The following ASPSCR1 variants were observed in gnomAD, a reference collection of about 807,000 sequenced individuals.
ASPSCR1 encodes ASPSCR1 tether for SLC2A4, UBX domain containing, also known as tether containing UBX domain for GLUT4.
ASPSCR1 carries 55 observed loss-of-function variants against 68.9 expected under a neutral mutation model. The observed-to-expected ratio is 0.80, with a 90% CI of 0.64 to 1.00. The LOEUF is 1.00. Among genes scored for constraint, ASPSCR1 ranks in the 50% least tolerant of loss-of-function variants. ASPSCR1 has a pLI of 0.00. For missense variants in ASPSCR1, 765 were observed against 762.2 expected, an observed-to-expected ratio of 1.00 and a Z score of -0.04; for synonymous variants, 352 against 332.6, an observed-to-expected ratio of 1.06 and a Z score of -0.63.
rs1225607921 is a variant in ASPSCR1 at position 81,999,591 on chromosome 17, C to T, written c.933+2745C>T. Among the ~76,000 whole-genome samples, 1 of 150,066 alleles carries T rather than the reference C, an allele frequency of 6.7e-6. No individual in the cohort carries two copies. The highest frequency in any genetic ancestry group is 1.9e-4 in the East Asian group (1 of 5,130). ...GCAGTGAGCCGAGATCGTGCCACTGCACTCCAGCCCGGGTGACAGAGTGAA... is the reference window on the plus strand; with the variant it reads ...GCAGTGAGCCGAGATCGTGCCACTGTACTCCAGCCCGGGTGACAGAGTGAA... On this transcript the variant is annotated intron_variant, in intron 7 of 15. Transcript: ENST00000306739. The surrounding 1 kb of genome is among the most constrained non-coding windows in gnomAD (Gnocchi z 4.4).
rs530993837 is a variant in ASPSCR1, at chr17:81,986,824, C to T, written c.374+1217C>T. ...GCCTGCTCCCGTCTGACAGTAGTGC[C>T]GCGCTGCATGGCACGGGTGTTGCGT... On this transcript the variant is annotated intron_variant, in intron 4 of 15. Transcript: ENST00000306739. The surrounding 1 kb of genome is among the most constrained non-coding windows in gnomAD (Gnocchi z 5.2). Among the ~76,000 whole-genome samples the T allele has an allele frequency of 1.3e-5, 2 of 151,838 alleles. No individual in the cohort carries two copies. Among genetic ancestry groups the T allele is most frequent in the South Asian group, 2.1e-4 (1 of 4,796 alleles).
In ASPSCR1 at chr17:82,015,463, C is replaced by T. The variant is rs2043090859; in HGVS notation, c.1354-1013C>T. 104 of 1,376,184 alleles carry T rather than the reference C, an allele frequency of 7.6e-5. No homozygotes were observed. The South Asian group carries it at 1.3e-3, about 17-fold the overall frequency. 85.2% of individuals were successfully genotyped at this position (1,376,184 alleles called of 1,614,324 possible). On this transcript the variant is annotated intron_variant, in intron 12 of 15. Transcript: ENST00000306739. ...TTCCCTCTCCTGGTGTTCCCGAGTCCTGCCCGCCCCTTTCTGTGCGTCCCG... is the reference window on the plus strand; with the variant it reads ...TTCCCTCTCCTGGTGTTCCCGAGTCTTGCCCGCCCCTTTCTGTGCGTCCCG...
In ASPSCR1 at chr17:81,996,414, A is replaced by G; in HGVS notation, c.507-6A>G. The stretch of plus-strand genomic sequence containing the variant: ...GGTGCTTCCCTTGTCCTCTGGCCCC[A>G]CTCAGGTTTGTCATGAAGTGCTACG... On this transcript the variant is annotated splice_polypyrimidine_tract_variant and splice_region_variant and intron_variant, in intron 6 of 15. Transcript: ENST00000306739. 1 of 1,575,630 alleles carries G rather than the reference A, an allele frequency of 6.3e-7. No homozygotes were observed. Among genetic ancestry groups the G allele is most frequent in the Non-Finnish European group, 8.6e-7 (1 of 1,156,700 alleles).
intron 7 of ASPSCR1, among the ~76,000 whole-genome samples, chr17:82,003,457 A>G (rs2042604336): frequency 6.6e-6 from 1 of 152,164 alleles, no homozygotes; most frequent in South Asian, 2.1e-4. Flanking sequence ...CAAAACAGAA[A>G]CATCTCTGCT....
In ASPSCR1 at chr17:81,983,154, T is replaced by G. The variant is rs577319871; in HGVS notation, c.159-400T>G. Among the ~76,000 whole-genome samples the G allele has an allele frequency of 3.3e-5, 5 of 152,304 alleles. No homozygotes were observed. In the East Asian group the frequency reaches 9.6e-4, roughly 29 times the overall value. On this transcript the variant is annotated intron_variant, in intron 2 of 15. Coordinates refer to ENST00000306739, the MANE Select transcript of ASPSCR1 (RefSeq NM_024083.4). This position sits in a 1 kb window ranked among gnomAD's most constrained non-coding sequence, Gnocchi z 4.4. ...GCCACTGCGCCCGGGCAGTCAGGTT[T>G]TCTGTGGTGGCTCCAGCCGTGACGG...
rs375238125 is a variant in ASPSCR1 at position 81,985,512 on chromosome 17, C to T, written c.279C>T (p.Arg93=). 76 of 1,613,922 alleles carry T rather than the reference C, an allele frequency of 4.7e-5. 1 individual carries two copies. The highest frequency in any genetic ancestry group is 5.7e-5 in the Non-Finnish European group (67 of 1,179,990). Residue 93 remains arginine (R), a synonymous_variant, in exon 4 of 16, where the codon CGC becomes CGT. Coordinates refer to ENST00000306739, the MANE Select transcript of ASPSCR1 (RefSeq NM_024083.4). ...RSREGPENMV[R]IALQLDDGSR... ...TCATGTCTTATACCCTCCAGGTTCGCATCGCTTTGCAGCTGGACGATGGCT... is the reference window on the plus strand; with the variant it reads ...TCATGTCTTATACCCTCCAGGTTCGTATCGCTTTGCAGCTGGACGATGGCT...
At chr17:82,012,949 C>G (rs2043000043) in intron 12 of ASPSCR1, 1 of 152,728 alleles carries the variant, frequency 6.5e-6, no homozygotes, top group Non-Finnish European at 1.5e-5. Flanking sequence ...GCCCTCTGGC[C>G]TAATGGTTTC....
Position 82,009,168 on chromosome 17 carries a change from C to G in ASPSCR1, c.1065C>G (p.Arg355=). 6.2e-7 allele frequency: 1 copy of G among 1,610,638 alleles called. No individual in the cohort carries two copies. Residue 355 remains arginine, a synonymous_variant, in exon 8 of 16, where the codon CGC becomes CGG. Coordinates refer to ENST00000306739, the MANE Select transcript of ASPSCR1 (RefSeq NM_024083.4). ...TGACGGTGGACGACGTGAGAAGACG[C>G]TTGGCCCAGCTCAAGAGTGAGCGGT... ...FELTVDDVRR[R]LAQLKSERKR...
Position 82,015,356 on chromosome 17 carries a change from G to A in ASPSCR1, c.1354-1120G>A. 4 of 1,596,532 alleles carry A rather than the reference G, an allele frequency of 2.5e-6. No individual in the cohort carries two copies. The highest frequency in any genetic ancestry group is 2.5e-6 in the Non-Finnish European group (3 of 1,178,616). On this transcript the variant is annotated intron_variant, in intron 12 of 15. Coordinates refer to ENST00000306739, the MANE Select transcript of ASPSCR1 (RefSeq NM_024083.4). ...GGCACAAGCACGTGGGGACAGGCCG[G>A]GTAGGCTGCCTGGCTCAGTGCTCCC...
At chr17:82,002,350 C>T (rs190729286) in intron 7 of ASPSCR1, among the ~76,000 whole-genome samples, 1 of 151,862 alleles carries the variant, frequency 6.6e-6, no homozygotes, top group African/African-American at 2.4e-5. Flanking sequence ...CCTTCCCCTC[C>T]CAGTTCAAGT....
chr17:81,996,939 C>T, intron 7 of ASPSCR1, 93 bp downstream of exon 7: 1 of 1,509,406 alleles, frequency 6.6e-7, no homozygotes, highest in Admixed American at 2.3e-5. Context: ...GGTGGCGTGG[C>T]CGTGATGCGG....
chr17:82,011,197 G>A (rs1163707211), intron 10 of ASPSCR1, among the ~76,000 whole-genome samples: 1 of 151,962 alleles, frequency 6.6e-6, no homozygotes, highest in African/African-American at 2.4e-5. Context: ...CAGTGGTGCT[G>A]TGACATTCAG....
chr17:81,997,887 C>T (rs1179410882), intron 7 of ASPSCR1, among the ~76,000 whole-genome samples: 1 of 146,380 alleles, frequency 6.8e-6, no homozygotes, highest in Admixed American at 6.9e-5. Flanking sequence ...AGTGTGGTGG[C>T]GCACTTTCGG....
At position 81,986,302 on chromosome 17, in the gene ASPSCR1, C is replaced by T. The variant is rs2144013240; in HGVS notation, c.374+695C>T. 6.6e-6 allele frequency among the ~76,000 whole-genome samples: 1 copy of T among 152,160 alleles called. No individual in the cohort carries two copies. Among genetic ancestry groups the T allele is most frequent in the South Asian group, 2.1e-4 (1 of 4,812 alleles). ...AGGCCAGGCATAGTGCATGGTGGTG[C>T]GTGCCTGTGGTCCCAGCTATGCCAG... On this transcript the variant is annotated intron_variant, in intron 4 of 15. Coordinates refer to ENST00000306739, the MANE Select transcript of ASPSCR1 (RefSeq NM_024083.4). The surrounding 1 kb of genome is among the most constrained non-coding windows in gnomAD (Gnocchi z 5.2).
In ASPSCR1 at chr17:81,996,469, G is replaced by T. The variant is rs1239095603; in HGVS notation, c.556G>T (p.Gly186Cys). Residue 186 changes from glycine to cysteine, a missense_variant, in exon 7 of 16, where the codon GGC (glycine) becomes TGC (cysteine). Physicochemically the swap from Gly to Cys is radical, Grantham distance 159. Coordinates refer to ENST00000306739, the MANE Select transcript of ASPSCR1 (RefSeq NM_024083.4). ...DPVGKTPGSL[G>C]SSASAGQAAA... is the part of the protein sequence containing the mutation. ...CGTGGGCAAGACCCCAGGAAGCCTG[G>T]GCTCGTCAGCGTCGGCTGGCCAGGC... 6.2e-7 allele frequency: 1 copy of T among 1,609,332 alleles called. No homozygotes were observed. Among genetic ancestry groups the T allele is most frequent in the South Asian group, 1.1e-5 (1 of 90,910 alleles).
intron 2 of ASPSCR1, among the ~76,000 whole-genome samples, chr17:81,981,610 C>T (rs1032531106): frequency 6.6e-6 from 1 of 152,102 alleles, no homozygotes; most frequent in Non-Finnish European, 1.5e-5. Context: ...AAGTCCTGAC[C>T]TCAGGTGATC....
At chr17:81,994,178 C>A (rs567885910) in intron 4 of ASPSCR1, among the ~76,000 whole-genome samples, 1 of 152,230 alleles carries the variant, frequency 6.6e-6, no homozygotes, top group African/African-American at 2.4e-5. Flanking sequence ...CATATACCTG[C>A]CCACCCATGC....
intron 12 of ASPSCR1, chr17:82,013,597 G>A (rs1385885973): frequency 6.6e-6 from 1 of 152,212 alleles, no homozygotes; most frequent in African/African-American, 2.4e-5. Flanking sequence ...CTCTGGCAGA[G>A]CCCCACTCCG....
rs535071161 is a variant in ASPSCR1 at position 81,986,955 on chromosome 17, C to T, written c.374+1348C>T. Among the ~76,000 whole-genome samples, 61 of 152,270 alleles carry T rather than the reference C, an allele frequency of 4.0e-4. No homozygotes were observed. Among genetic ancestry groups the T allele is most frequent in the Non-Finnish European group, 7.6e-4 (52 of 68,022 alleles). ...GAATGGAGGCCCCTGGAGATGGCAG[C>T]GGGTTAAGCACGAGCACGGAATTCT... On this transcript the variant is annotated intron_variant, in intron 4 of 15. Coordinates refer to ENST00000306739, the MANE Select transcript of ASPSCR1 (RefSeq NM_024083.4). The surrounding 1 kb of genome is among the most constrained non-coding windows in gnomAD (Gnocchi z 5.2).
Sources: allele counts gnomAD v4.1 joint callset (sites outside exome capture counted in the v4.1 genomes callset), GRCh38; gene constraint gnomAD v4.1.1; non-coding constraint Gnocchi (gnomAD v3.1); transcripts MANE v1.5; gene names NCBI Gene and HGNC (gene_info 2026-07-23, HGNC 2026-07-21).